The following PIEZO2 variants were observed in gnomAD, a reference collection of about 807,000 sequenced individuals.
PIEZO2 encodes the protein piezo type mechanosensitive ion channel component 2, also known as piezo-type mechanosensitive ion channel component 2.
In PIEZO2, 172 loss-of-function variants were observed where a neutral mutation model predicts 337.3. The ratio of observed to expected loss-of-function variants is 0.51; its 90% CI spans 0.45 to 0.58. PIEZO2 has a LOEUF of 0.58. PIEZO2 is among the 20% of genes least tolerant of loss of function. PIEZO2 has a pLI of 0.00. For missense variants in PIEZO2, 3,028 were observed against 3,391.3 expected, an observed-to-expected ratio of 0.89 and a Z score of 2.66; for synonymous variants, 1,251 against 1,228.5, an observed-to-expected ratio of 1.02 and a Z score of -0.38.
At chr18:10,769,592 A>G (rs2038512288) in intron 21 of PIEZO2, among the ~76,000 whole-genome samples, 1 of 152,256 alleles carries the variant, frequency 6.6e-6, no homozygotes, top group Non-Finnish European at 1.5e-5. Context: ...TTTGTTGAAT[A>G]AAAGGAAAGA....
At position 11,123,394 on chromosome 18, in the gene PIEZO2, T is replaced by C. The variant is rs192468830; in HGVS notation, c.64+25131A>G. 3.3e-5 allele frequency among the ~76,000 whole-genome samples: 5 copies of C among 152,354 alleles called. No homozygotes were observed. The East Asian group carries it at 9.6e-4, about 29-fold the overall frequency. ...AATTCCAGCAAAGAAAAATCTGCCA[T>C]ATGCTGTTAAATTTCTAGACAAGTA... On this transcript the variant is annotated intron_variant, in intron 1 of 55. Transcript: ENST00000674853.
In PIEZO2 at chr18:11,111,898, C is replaced by G. The variant is rs1445444042; in HGVS notation, c.64+36627G>C. ...TATAAAGTCAAATAACAATGTGTCT[C>G]TTTTAAGATAAAACACAAGATCTCA... On this transcript the variant is annotated intron_variant, in intron 1 of 55. Transcript: ENST00000674853. This position sits in a 1 kb window ranked among gnomAD's most constrained non-coding sequence, Gnocchi z 6.2. Among the ~76,000 whole-genome samples, 1 of 152,162 alleles carries G rather than the reference C, an allele frequency of 6.6e-6. No homozygotes were observed. Among genetic ancestry groups the G allele is most frequent in the Non-Finnish European group, 1.5e-5 (1 of 68,020 alleles).
chr18:10,923,792 G>A (rs1002642399), intron 3 of PIEZO2, among the ~76,000 whole-genome samples: 1 of 146,960 alleles, frequency 6.8e-6, no homozygotes, highest in Non-Finnish European at 1.5e-5. Flanking sequence ...CAGGGCAGAT[G>A]GCAATGATTC....
chr18:11,033,678 T>G lies in PIEZO2; in HGVS notation c.160+32449A>C, dbSNP rs921423113. The stretch of plus-strand genomic sequence containing the variant: ...AGACATATATAGCACATGCCAGAAA[T>G]GAAGCACTTTCTGTCATGTGAACCA... On this transcript the variant is annotated intron_variant, in intron 2 of 55. Coordinates refer to ENST00000674853, the MANE Select transcript of PIEZO2 (RefSeq NM_001378183.1). The surrounding 1 kb of genome is among the most constrained non-coding windows in gnomAD (Gnocchi z 4.2). Among the ~76,000 whole-genome samples the G allele has an allele frequency of 2.6e-5, 4 of 152,036 alleles. No individual in the cohort carries two copies. Among genetic ancestry groups the G allele is most frequent in the Non-Finnish European group, 5.9e-5 (4 of 67,978 alleles).
chr18:10,961,986 A>G lies in PIEZO2; in HGVS notation c.286+17549T>C, dbSNP rs113755275. ...TGTTGGCTTTCCCTGGAGGGTGTGT[A>G]TAAATTCAGGTGAACTGCTGCACTC... On this transcript the variant is annotated intron_variant, in intron 3 of 55. Transcript: ENST00000674853. 6.9e-4 allele frequency among the ~76,000 whole-genome samples: 105 copies of G among 152,236 alleles called. 1 individual carries two copies. The highest frequency in any genetic ancestry group is 2.4e-3 in the African/African-American group (98 of 41,532).
chr18:11,146,505 G>C lies in PIEZO2; in HGVS notation c.64+2020C>G, dbSNP rs572233905. Among the ~76,000 whole-genome samples the C allele has an allele frequency of 9.8e-5, 15 of 152,330 alleles. No homozygotes were observed. The highest frequency in any genetic ancestry group is 2.1e-4 in the Non-Finnish European group (14 of 68,034). On this transcript the variant is annotated intron_variant, in intron 1 of 55. Coordinates refer to ENST00000674853, the MANE Select transcript of PIEZO2 (RefSeq NM_001378183.1). The surrounding 1 kb of genome is among the most constrained non-coding windows in gnomAD (Gnocchi z 6.1). ...CTGTGCCCAGCAACCCAAGCTGGGA[G>C]TGCTGTGAACCAGGCCAGCTCCCCT...
intron 36 of PIEZO2, among the ~76,000 whole-genome samples, chr18:10,725,782 G>T (rs1351440964): frequency 6.6e-6 from 1 of 152,208 alleles, no homozygotes; most frequent in African/African-American, 2.4e-5. Flanking sequence ...GAACGCTCAG[G>T]GTCCCACCAG....
At chr18:10,680,437 C>T in intron 51 of PIEZO2, 66 bp from the exon 52 acceptor site, 1 of 1,413,488 alleles carries the variant, frequency 7.1e-7, no homozygotes, top group Non-Finnish European at 9.7e-7. Flanking sequence ...AGAAAGCAGT[C>T]ACTCTTCCTT....
At chr18:11,006,926 A>G (rs1296373276) in intron 2 of PIEZO2, among the ~76,000 whole-genome samples, 1 of 152,108 alleles carries the variant, frequency 6.6e-6, no homozygotes, top group Non-Finnish European at 1.5e-5. Flanking sequence ...CATTTTTATC[A>G]AGCACGTGAT....
chr18:10,726,268 C>T lies in PIEZO2; in HGVS notation c.5029+5139G>A. 1.2e-6 allele frequency: 1 copy of T among 817,780 alleles called. No homozygotes were observed. Among genetic ancestry groups the T allele is most frequent in the Non-Finnish European group, 2.0e-6 (1 of 497,148 alleles). 50.7% of individuals were successfully genotyped at this position (817,780 alleles called of 1,614,324 possible). A position where few individuals can be genotyped will look rare whatever the true frequency, so the allele number is the denominator to read the frequency against. On this transcript the variant is annotated intron_variant, in intron 36 of 55. Transcript: ENST00000674853. The surrounding 1 kb of genome is among the most constrained non-coding windows in gnomAD (Gnocchi z 5.9). ...TTGTGTGCGAGCCTGTGTTCGGGAG[C>T]ATGAGAATGGAAGCGTCGCGGCCAG...
At chr18:11,123,685 C>G (rs1568393776) in intron 1 of PIEZO2, among the ~76,000 whole-genome samples, 3 of 152,092 alleles carry the variant, frequency 2.0e-5, no homozygotes, top group Admixed American at 6.5e-5. Flanking sequence ...TGGTGGGCAC[C>G]TGTAGTCCCA....
intron 7 of PIEZO2, among the ~76,000 whole-genome samples, chr18:10,849,002 T>G (rs1484548007): frequency 6.6e-6 from 1 of 152,104 alleles, no homozygotes; most frequent in Non-Finnish European, 1.5e-5. Context: ...TTAGAAGAAT[T>G]CACCCAAGGA....
chr18:10,742,711 T>A (rs558788608), intron 31 of PIEZO2, 96 bp from the exon 32 acceptor site: 1 of 1,320,298 alleles, frequency 7.6e-7, no homozygotes, highest in South Asian at 1.5e-5. Context: ...TATAGCTAAA[T>A]TCGTGGACAA....
chr18:11,044,192 A>G (rs2145820799), intron 2 of PIEZO2, among the ~76,000 whole-genome samples: 1 of 149,566 alleles, frequency 6.7e-6, no homozygotes, highest in Non-Finnish European at 1.5e-5. Flanking sequence ...CACTAATATA[A>G]TATATATTAT....
intron 4 of PIEZO2, among the ~76,000 whole-genome samples, chr18:10,892,391 T>C (rs1255724296): frequency 2.0e-5 from 3 of 152,112 alleles, no homozygotes; most frequent in Non-Finnish European, 4.4e-5. Flanking sequence ...GGCCATAGAC[T>C]CCATGATTCC....
Position 10,888,893 on chromosome 18 carries a change from C to A in PIEZO2, c.330-17478G>T, listed in dbSNP as rs565718916. Among the ~76,000 whole-genome samples the A allele has an allele frequency of 6.6e-6, 1 of 151,928 alleles. No individual in the cohort carries two copies. The highest frequency in any genetic ancestry group is 1.5e-5 in the Non-Finnish European group (1 of 67,990). ...CACTTCCACCAACACCTCCATGCAA[C>A]CCCTCTCCCTCAACAACCCAGTTTT... On this transcript the variant is annotated intron_variant, in intron 4 of 55. Coordinates refer to ENST00000674853, the MANE Select transcript of PIEZO2 (RefSeq NM_001378183.1). This position sits in a 1 kb window ranked among gnomAD's most constrained non-coding sequence, Gnocchi z 4.1.
chr18:11,148,493 T>TC lies in PIEZO2; in HGVS notation c.64+31dup. On this transcript the variant is annotated intron_variant, in intron 1 of 55. Transcript: ENST00000674853. This position sits in a 1 kb window ranked among gnomAD's most constrained non-coding sequence, Gnocchi z 5.2. ...CACCCAGGCGCCCCCCTCGTCCTCC[T>TC]CAAGTGCCCTCGGAAAGCGGACCAG... The TC allele has an allele frequency of 6.5e-7, 1 of 1,536,374 alleles. No individual in the cohort carries two copies. The highest frequency in any genetic ancestry group is 8.7e-7 in the Non-Finnish European group (1 of 1,146,306).
chr18:10,782,173 A>AAT (rs541931221), intron 17 of PIEZO2, among the ~76,000 whole-genome samples: 1 of 138,978 alleles, frequency 7.2e-6, no homozygotes, highest in Non-Finnish European at 1.5e-5. Flanking sequence ...ATTATATATT[A>AAT]ATATATATCA....
intron 40 of PIEZO2, among the ~76,000 whole-genome samples, chr18:10,706,259 T>C (rs540234119): frequency 1.3e-5 from 2 of 152,332 alleles, no homozygotes; most frequent in African/African-American, 4.8e-5. Flanking sequence ...AAATATTGGC[T>C]ATACTGAACA....
Sources: allele counts gnomAD v4.1 joint callset (sites outside exome capture counted in the v4.1 genomes callset), GRCh38; gene constraint gnomAD v4.1.1; non-coding constraint Gnocchi (gnomAD v3.1); transcripts MANE v1.5; gene names NCBI Gene and HGNC (gene_info 2026-07-23, HGNC 2026-07-21).